The following CACNA2D1 variants were observed in gnomAD, a reference collection of about 807,000 sequenced individuals.
CACNA2D1 encodes voltage-dependent calcium channel subunit alpha-2/delta-1.
In CACNA2D1, 53 loss-of-function variants were observed where a neutral mutation model predicts 171.5. The observed-to-expected ratio is 0.31, with a 90% CI of 0.25 to 0.39. The LOEUF (loss-of-function observed/expected upper bound fraction) is 0.39. Among genes scored for constraint, CACNA2D1 ranks in the 10% least tolerant of loss-of-function variants. CACNA2D1 has a pLI of 1.00. For synonymous variants in CACNA2D1, 442 were observed against 443.1 expected, an observed-to-expected ratio of 1.00 and a Z score of 0.03; for missense variants, 903 against 1,299.8, an observed-to-expected ratio of 0.69 and a Z score of 4.69.
At chr7:81,989,631 G>C (rs908137986) in intron 21 of CACNA2D1, among the ~76,000 whole-genome samples, 1 of 152,206 alleles carries the variant, frequency 6.6e-6, no homozygotes, top group Non-Finnish European at 1.5e-5. Flanking sequence ...CTTGAGGTTA[G>C]AGGTCATGAA....
intron 3 of CACNA2D1, among the ~76,000 whole-genome samples, chr7:82,220,357 G>A (rs564274423): frequency 5.3e-5 from 8 of 152,036 alleles, no homozygotes; most frequent in Non-Finnish European, 1.0e-4. Context: ...TTGGGTTTAG[G>A]TGGATCTTTA....
At chr7:82,227,477 T>C (rs1204111353) in intron 3 of CACNA2D1, among the ~76,000 whole-genome samples, 1 of 152,234 alleles carries the variant, frequency 6.6e-6, no homozygotes, top group African/African-American at 2.4e-5. Context: ...TTTAGGAAGC[T>C]ATTAAAATTT....
intron 7 of CACNA2D1, among the ~76,000 whole-genome samples, chr7:82,080,104 T>C (rs1171021931): frequency 3.4e-5 from 5 of 148,350 alleles, no homozygotes; most frequent in Admixed American, 2.1e-4. Flanking sequence ...GATGTGTGTA[T>C]ATATATACAT....
intron 1 of CACNA2D1, among the ~76,000 whole-genome samples, chr7:82,391,370 G>A (rs553097238): frequency 6.6e-6 from 1 of 152,268 alleles, no homozygotes; most frequent in South Asian, 2.1e-4. Context: ...GGCAAACCAT[G>A]CAGTGCAGTC....
At chr7:82,316,956 G>A (rs377616987) in intron 3 of CACNA2D1, among the ~76,000 whole-genome samples, 12 of 152,092 alleles carry the variant, frequency 7.9e-5, no homozygotes, top group East Asian at 3.9e-4. Context: ...AGATTTGGGC[G>A]GGGACACAGC....
At chr7:82,411,713 T>G (rs1357033557) in intron 1 of CACNA2D1, among the ~76,000 whole-genome samples, 1 of 152,154 alleles carries the variant, frequency 6.6e-6, no homozygotes, top group Non-Finnish European at 1.5e-5. Context: ...AGAAAATATC[T>G]TGGGGAATTT....
At chr7:82,012,131 G>A in intron 15 of CACNA2D1, 23 bp downstream of exon 15, 1 of 1,343,458 alleles carries the variant, frequency 7.4e-7, no homozygotes, top group Non-Finnish European at 1.1e-6. Context: ...GACAGTCTTT[G>A]ACTGAATAGC....
At chr7:82,143,219 A>T (rs258725) in intron 4 of CACNA2D1, among the ~76,000 whole-genome samples, 15,674 of 152,230 alleles carry the variant, frequency 0.1, 1,018 homozygotes, top group Middle Eastern at 0.23. Context: ...TGGACACAAG[A>T]CCATCTAGAG....
intron 6 of CACNA2D1, among the ~76,000 whole-genome samples, chr7:82,100,104 G>T (rs923785528): frequency 6.6e-5 from 10 of 152,030 alleles, no homozygotes; most frequent in Admixed American, 2.0e-4. Context: ...AAAAAATTTA[G>T]TTCTGATACA....
chr7:82,322,466 A>AT (rs1816108072), intron 3 of CACNA2D1, among the ~76,000 whole-genome samples: 1 of 148,984 alleles, frequency 6.7e-6, no homozygotes, highest in African/African-American at 2.4e-5. Context: ...AAAAAAAAAA[A>AT]AAAAATTAAA....
chr7:82,084,012 A>G (rs1429538653), intron 7 of CACNA2D1, among the ~76,000 whole-genome samples: 1 of 152,194 alleles, frequency 6.6e-6, no homozygotes, highest in Non-Finnish European at 1.5e-5. Flanking sequence ...TGTTTGAGAA[A>G]GAAAACGCAT....
At chr7:82,275,747 C>G (rs1482847855) in intron 3 of CACNA2D1, among the ~76,000 whole-genome samples, 1 of 152,092 alleles carries the variant, frequency 6.6e-6, no homozygotes, top group Non-Finnish European at 1.5e-5. Context: ...ATCTTATAAG[C>G]AACACTGCAA....
intron 1 of CACNA2D1, among the ~76,000 whole-genome samples, chr7:82,437,025 T>C (rs890869843): frequency 1.3e-5 from 2 of 152,150 alleles, no homozygotes; most frequent in African/African-American, 2.4e-5. Flanking sequence ...CAGGTTTATC[T>C]GTATATCAAA....
At chr7:82,390,429 G>C (rs1266063115) in intron 1 of CACNA2D1, among the ~76,000 whole-genome samples, 1 of 152,130 alleles carries the variant, frequency 6.6e-6, no homozygotes. Context: ...TATTCTCCCT[G>C]CTCTCAGGTA....
intron 1 of CACNA2D1, among the ~76,000 whole-genome samples, chr7:82,372,715 A>G (rs543642021): frequency 1.3e-5 from 2 of 152,116 alleles, no homozygotes; most frequent in Admixed American, 6.6e-5. Context: ...TGCTTATAAA[A>G]TCTTCAATTT....
rs191765924 is a variant in CACNA2D1, at chr7:82,144,707, A to G, written c.355-8031T>C. On this transcript the variant is annotated intron_variant, in intron 4 of 38. Transcript: ENST00000356860. ...TCACCTACTGCCAACTTAATATTTTATAAGTGGTATATCAGTAATCATTAC... is the reference window on the plus strand; with the variant it reads ...TCACCTACTGCCAACTTAATATTTTGTAAGTGGTATATCAGTAATCATTAC... Among the ~76,000 whole-genome samples, 247 of 152,176 alleles carry G rather than the reference A, an allele frequency of 1.6e-3. 1 individual carries two copies. The highest frequency in any genetic ancestry group is 1.3e-3 in the Non-Finnish European group (89 of 67,928).
chr7:82,081,878 C>G (rs1809822216), intron 7 of CACNA2D1, among the ~76,000 whole-genome samples: 1 of 147,870 alleles, frequency 6.8e-6, no homozygotes, highest in East Asian at 1.9e-4. Context: ...CAAGTGAGTG[C>G]AGGCTCCGGT....
chr7:82,003,347 G>A (rs1798790539), intron 18 of CACNA2D1, among the ~76,000 whole-genome samples: 1 of 151,838 alleles, frequency 6.6e-6, no homozygotes, highest in South Asian at 2.1e-4. Context: ...TTATAATATG[G>A]AAGAAAAATA....
Position 82,099,326 on chromosome 7 carries a change from T to C in CACNA2D1, c.527-14426A>G, listed in dbSNP as rs575283213. Among the ~76,000 whole-genome samples the C allele has an allele frequency of 3.9e-5, 6 of 152,192 alleles. No individual in the cohort carries two copies. In the East Asian group the frequency reaches 9.6e-4, roughly 24 times the overall value. On this transcript the variant is annotated intron_variant, in intron 6 of 38. Coordinates refer to ENST00000356860, the MANE Select transcript of CACNA2D1 (RefSeq NM_000722.4). ...ATGTGACACTTCTAACAATTTGTAG[T>C]TAAAATTAAAAGCCAGTACATTTTA...
Sources: gnomAD v4.1 joint callset for allele counts (sites outside exome capture counted in the v4.1 genomes callset) on GRCh38, gnomAD v4.1.1 for gene constraint, MANE v1.5 for transcripts, NCBI Gene and HGNC (gene_info 2026-07-23, HGNC 2026-07-21) for gene names.